Variants in PRKD1 observed in about 807,000 individuals in gnomAD.
PRKD1 encodes the protein serine/threonine-protein kinase D1.
In PRKD1, 63 loss-of-function variants were observed where a neutral mutation model predicts 95.9. The observed-to-expected ratio is 0.66, with a 90% confidence interval of 0.54 to 0.81. PRKD1 has a LOEUF of 0.81. Among genes scored for constraint, PRKD1 ranks in the 30% least tolerant of loss-of-function variants. PRKD1 has a pLI of 0.00. For synonymous variants in PRKD1, 425 were observed against 423.1 expected, an observed-to-expected ratio of 1.00 and a Z score of -0.05; for missense variants, 1,048 against 1,165.3, an observed-to-expected ratio of 0.90 and a Z score of 1.47.
chr14:29,912,024 G>A (rs1327641991), intron 1 of PRKD1, among the ~76,000 whole-genome samples: 1 of 152,118 alleles, frequency 6.6e-6, no homozygotes, highest in Non-Finnish European at 1.5e-5. Context: ...CATCTGCAAA[G>A]TCAGCAAAAG....
intron 1 of PRKD1, among the ~76,000 whole-genome samples, chr14:29,888,759 T>G (rs1259842282): frequency 6.6e-6 from 1 of 152,168 alleles, no homozygotes; most frequent in African/African-American, 2.4e-5. Flanking sequence ...AATGCAGAAT[T>G]TATTATTACT....
At chr14:29,627,023 C>T (rs1046057831) in intron 11 of PRKD1, among the ~76,000 whole-genome samples, 3 of 152,146 alleles carry the variant, frequency 2.0e-5, no homozygotes, top group South Asian at 2.1e-4. Flanking sequence ...TCAAAGCACA[C>T]TCTTTAATTA....
chr14:29,850,896 TA>T lies in PRKD1; in HGVS notation c.264+76352del, dbSNP rs60982997. ...GGCACAAAAACAGACAAAAAAAAAT[TA>T]AAAAAAAAAACCAATGGGACAGAAT... On this transcript the variant is annotated intron_variant, in intron 1 of 17. Transcript: ENST00000331968. Among the ~76,000 whole-genome samples the T allele has an allele frequency of 3.0e-4, 42 of 140,156 alleles. 1 individual carries two copies. Among genetic ancestry groups the T allele is most frequent in the South Asian group, 6.8e-4 (3 of 4,438 alleles). 91.9% of individuals were successfully genotyped at this position (140,156 alleles called of 152,430 possible). A position where few individuals can be genotyped will look rare whatever the true frequency, so the allele number is the denominator to read the frequency against.
chr14:29,654,013 G>A (rs1228272762), intron 4 of PRKD1, among the ~76,000 whole-genome samples: 1 of 151,804 alleles, frequency 6.6e-6, no homozygotes, highest in Non-Finnish European at 1.5e-5. Flanking sequence ...AGAGTATAAG[G>A]AAATGGAAAC....
chr14:29,678,832 A>G (rs923968268), intron 2 of PRKD1, among the ~76,000 whole-genome samples: 7 of 152,370 alleles, frequency 4.6e-5, no homozygotes, highest in African/African-American at 1.7e-4. Context: ...TTTGAGTCAC[A>G]ATGTAATTAG....
chr14:29,645,586 T>A (rs1314390284), intron 4 of PRKD1, among the ~76,000 whole-genome samples: 2 of 152,146 alleles, frequency 1.3e-5, no homozygotes, highest in African/African-American at 2.4e-5. Context: ...TCGAGATGGA[T>A]CTATCTAATT....
intron 2 of PRKD1, among the ~76,000 whole-genome samples, chr14:29,718,705 G>A (rs965889772): frequency 6.6e-6 from 1 of 152,166 alleles, no homozygotes; most frequent in African/African-American, 2.4e-5. Context: ...CATTCAGCCT[G>A]TGACACTTAG....
intron 2 of PRKD1, among the ~76,000 whole-genome samples, chr14:29,693,838 G>A (rs1884374156): frequency 6.6e-6 from 1 of 152,046 alleles, no homozygotes; most frequent in South Asian, 2.1e-4. Context: ...TCCTGCAATA[G>A]GCAATTTATT....
At chr14:29,598,877 T>C in intron 15 of PRKD1, 150 bp downstream of exon 15, 2 of 687,306 alleles carry the variant, frequency 2.9e-6, no homozygotes, top group Non-Finnish European at 2.4e-6. Flanking sequence ...AACAAGGCCA[T>C]AGTCCCAAAG....
chr14:29,750,187 A>G (rs1403595815), intron 1 of PRKD1, among the ~76,000 whole-genome samples: 2 of 152,222 alleles, frequency 1.3e-5, no homozygotes, highest in African/African-American at 4.8e-5. Flanking sequence ...GTTTAAAAAA[A>G]TCAACTATGA....
chr14:29,620,465 A>C (rs1421153583), intron 13 of PRKD1, among the ~76,000 whole-genome samples: 2 of 147,490 alleles, frequency 1.4e-5, no homozygotes, highest in African/African-American at 5.0e-5. Context: ...CAATGAACTC[A>C]AACAAATTTA....
chr14:29,830,881 C>T (rs1281001819), intron 1 of PRKD1, among the ~76,000 whole-genome samples: 3 of 151,946 alleles, frequency 2.0e-5, no homozygotes, highest in Non-Finnish European at 4.4e-5. Context: ...AACGGGGTTT[C>T]GCCATATTGC....
At chr14:29,753,948 G>A (rs17096047) in intron 1 of PRKD1, among the ~76,000 whole-genome samples, 3,150 of 152,166 alleles carry the variant, frequency 0.021, 105 homozygotes, top group Admixed American at 0.087. Flanking sequence ...GAGAACATAC[G>A]TATGCAAAAG....
intron 1 of PRKD1, among the ~76,000 whole-genome samples, chr14:29,792,342 T>G (rs1012817819): frequency 6.6e-5 from 10 of 152,110 alleles, no homozygotes; most frequent in Non-Finnish European, 1.3e-4. Context: ...AAATATCTTA[T>G]GTAAGGTCAG....
At chr14:29,789,549 C>T (rs1002637231) in intron 1 of PRKD1, among the ~76,000 whole-genome samples, 3 of 152,136 alleles carry the variant, frequency 2.0e-5, no homozygotes, top group African/African-American at 2.4e-5. Context: ...CTTGGGCTGT[C>T]GTGAGACTGC....
chr14:29,654,467 C>T lies in PRKD1; in HGVS notation c.696+9232G>A, dbSNP rs538971785. On this transcript the variant is annotated intron_variant, in intron 4 of 17. Coordinates refer to ENST00000331968, the MANE Select transcript of PRKD1 (RefSeq NM_002742.3). ...AGGATTATAGGTGTGAGCCACTGTG[C>T]TTGGCCAAATAAATATTTATTCAGA... 3.3e-5 allele frequency among the ~76,000 whole-genome samples: 5 copies of T among 152,246 alleles called. No homozygotes were observed. In the South Asian group the frequency reaches 1.0e-3, roughly 32 times the overall value.
At chr14:29,620,659 T>TA (rs1879185736) in intron 13 of PRKD1, among the ~76,000 whole-genome samples, 1 of 151,670 alleles carries the variant, frequency 6.6e-6, no homozygotes, top group Non-Finnish European at 1.5e-5. Flanking sequence ...TGGCAATCAT[T>TA]AAAAAGTCAG....
chr14:29,602,105 C>T (rs1356631701), intron 13 of PRKD1, among the ~76,000 whole-genome samples: 4 of 152,072 alleles, frequency 2.6e-5, no homozygotes, highest in Non-Finnish European at 4.4e-5. Context: ...AATGGCTAAG[C>T]TTTGCAGTAC....
At chr14:29,697,263 T>A (rs1884576648) in intron 2 of PRKD1, among the ~76,000 whole-genome samples, 1 of 152,148 alleles carries the variant, frequency 6.6e-6, no homozygotes, top group South Asian at 2.1e-4. Flanking sequence ...AAATTCATGG[T>A]GTCATGAACT....
Sources: gnomAD v4.1 joint callset for allele counts (sites outside exome capture counted in the v4.1 genomes callset) on GRCh38, gnomAD v4.1.1 for gene constraint, MANE v1.5 for transcripts, NCBI Gene and HGNC (gene_info 2026-07-23, HGNC 2026-07-21) for gene names.